TENM2: variants seen among roughly 807,000 people sequenced by gnomAD.
TENM2 encodes the protein teneurin-2.
In TENM2, 52 loss-of-function variants were observed where a neutral mutation model predicts 245.2. The observed-to-expected ratio is 0.21, with a 90% CI of 0.17 to 0.27. The LOEUF (loss-of-function observed/expected upper bound fraction) is 0.27. Ranked by LOEUF, TENM2 falls within the 10% of genes least tolerant of loss-of-function variation. The pLI is 1.00. For missense variants in TENM2, 3,046 were observed against 3,666.8 expected (o/e 0.83, Z 4.37); for synonymous variants, 1,363 against 1,438.9 (o/e 0.95, Z 1.19).
At chr5:167,065,903 T>A in the TENM2 span, among the ~76,000 whole-genome samples, 2 of 152,246 alleles carry the variant, frequency 1.3e-5, no homozygotes, top group Non-Finnish European at 2.9e-5. Context: ...GTAGTTGTAC[T>A]GTATCGCTTT....
At chr5:167,326,534 G>T (rs569028458) in intron 1 of TENM2, among the ~76,000 whole-genome samples, 1 of 151,676 alleles carries the variant, frequency 6.6e-6, no homozygotes. Context: ...TTAGCCAGAC[G>T]TGGTGGTGCA....
the TENM2 span, among the ~76,000 whole-genome samples, chr5:167,183,474 A>C: frequency 3.3e-5 from 5 of 152,246 alleles, no homozygotes; most frequent in South Asian, 8.3e-4. Context: ...CTTGATTTTG[A>C]TAATTTATGT....
intron 19 of TENM2, among the ~76,000 whole-genome samples, chr5:168,210,612 CTT>C (rs34472788): frequency 1.4e-3 from 203 of 143,032 alleles, no homozygotes; most frequent in African/African-American, 3.2e-3. Context: ...ATTTAATTAA[CTT>C]TTTTTTTTTT....
chr5:167,001,990 C>T, the TENM2 span, among the ~76,000 whole-genome samples: 1 of 152,056 alleles, frequency 6.6e-6, no homozygotes, highest in Non-Finnish European at 1.5e-5. Flanking sequence ...TCTTTTTGTA[C>T]TTATATCAAA....
chr5:167,676,791 C>G (rs185845843), intron 2 of TENM2, among the ~76,000 whole-genome samples: 116 of 152,208 alleles, frequency 7.6e-4, no homozygotes, highest in African/African-American at 2.7e-3. Flanking sequence ...AACAATGCTT[C>G]CTAGAATTAA....
At chr5:167,405,170 A>AT (rs369205388) in intron 2 of TENM2, among the ~76,000 whole-genome samples, 1 of 151,624 alleles carries the variant, frequency 6.6e-6, no homozygotes, top group African/African-American at 2.4e-5. Context: ...TAGCATGTTT[A>AT]TTTTTTTTCA....
chr5:167,955,091 A>G (rs1308386356), intron 4 of TENM2, among the ~76,000 whole-genome samples: 1 of 152,204 alleles, frequency 6.6e-6, no homozygotes, highest in East Asian at 1.9e-4. Flanking sequence ...CCAACAGTGT[A>G]AAAGCATTCC....
At chr5:167,897,740 G>A (rs1280525533) in intron 3 of TENM2, among the ~76,000 whole-genome samples, 1 of 152,148 alleles carries the variant, frequency 6.6e-6, no homozygotes, top group East Asian at 1.9e-4. Context: ...TTGTCAAAGG[G>A]TCCTTATTTT....
intron 2 of TENM2, among the ~76,000 whole-genome samples, chr5:167,850,370 C>T (rs1218523791): frequency 6.6e-6 from 1 of 152,122 alleles, no homozygotes; most frequent in East Asian, 1.9e-4. Context: ...CACTCTGTAA[C>T]CTTCATTCTA....
intron 4 of TENM2, among the ~76,000 whole-genome samples, chr5:167,985,788 A>T (rs1783198822): frequency 6.6e-6 from 1 of 152,240 alleles, no homozygotes; most frequent in African/African-American, 2.4e-5. Flanking sequence ...AAGGAATTTT[A>T]TGTATTTGTT....
At chr5:167,405,285 A>ATTC (rs1762571155) in intron 2 of TENM2, among the ~76,000 whole-genome samples, 1 of 151,822 alleles carries the variant, frequency 6.6e-6, no homozygotes, top group Non-Finnish European at 1.5e-5. Flanking sequence ...GGTGCAAAAT[A>ATTC]GGCCTTGAAG....
chr5:167,375,096 T>A, intron 1 of TENM2, 102 bp from the exon 4 acceptor site: 1 of 1,181,540 alleles, frequency 8.5e-7, no homozygotes, highest in Non-Finnish European at 1.2e-6. Context: ...ATTTGATGTA[T>A]CTGTCAGATG....
chr5:167,774,528 A>G (rs1763627700), intron 2 of TENM2, among the ~76,000 whole-genome samples: 1 of 152,174 alleles, frequency 6.6e-6, no homozygotes, highest in Non-Finnish European at 1.5e-5. Context: ...CAGCTACATT[A>G]GGGAGAGTCT....
At chr5:167,776,601 A>G (rs1198360401) in intron 2 of TENM2, among the ~76,000 whole-genome samples, 3 of 87,216 alleles carry the variant, frequency 3.4e-5, no homozygotes, top group African/African-American at 1.2e-4. Context: ...CTGAAAAAAA[A>G]AAAAAAAAAA....
intron 2 of TENM2, among the ~76,000 whole-genome samples, chr5:167,505,272 C>T (rs879864396): frequency 1.3e-5 from 2 of 152,130 alleles, no homozygotes; most frequent in Admixed American, 1.3e-4. Context: ...TTATTAGTTA[C>T]ATCAAATCTT....
chr5:167,115,622 C>G, the TENM2 span, among the ~76,000 whole-genome samples: 1 of 152,176 alleles, frequency 6.6e-6, no homozygotes, highest in Non-Finnish European at 1.5e-5. Flanking sequence ...AATAATACTT[C>G]TGCCTCTGTA....
At chr5:168,080,017 C>T (rs2152186648) in intron 7 of TENM2, among the ~76,000 whole-genome samples, 1 of 152,312 alleles carries the variant, frequency 6.6e-6, no homozygotes, top group South Asian at 2.1e-4. Flanking sequence ...ACCAGCTCCT[C>T]TTTGTACCTC....
At chr5:168,215,859 G>A (rs1468869654) in intron 21 of TENM2, among the ~76,000 whole-genome samples, 2 of 152,184 alleles carry the variant, frequency 1.3e-5, no homozygotes, top group African/African-American at 4.8e-5. Context: ...AAAGCCCAGC[G>A]AGGGGCCTCT....
intron 2 of TENM2, among the ~76,000 whole-genome samples, chr5:167,419,609 C>G (rs1763371859): frequency 6.6e-6 from 1 of 152,164 alleles, no homozygotes; most frequent in African/African-American, 2.4e-5. Flanking sequence ...ATGGCCTTTT[C>G]AAAGTTACAT....
Sources: allele counts gnomAD v4.1 joint callset (sites outside exome capture counted in the v4.1 genomes callset), GRCh38; gene constraint gnomAD v4.1.1; transcripts MANE v1.5; gene names NCBI Gene and HGNC (gene_info 2026-07-23, HGNC 2026-07-21).